The following KPNB1 variants were observed in gnomAD, a reference collection of about 807,000 sequenced individuals.
The protein encoded by KPNB1 is importin subunit beta-1.
In KPNB1, 7 loss-of-function variants were observed where a neutral mutation model predicts 113.0. The observed-to-expected ratio is 0.06, with a 90% CI of 0.04 to 0.12. The LOEUF (loss-of-function observed/expected upper bound fraction) is 0.12. Ranked by LOEUF, KPNB1 falls within the 10% of genes least tolerant of loss-of-function variation. The pLI is 1.00. For missense variants in KPNB1, 400 were observed against 1,054.8 expected, an observed-to-expected ratio of 0.38 and a Z score of 8.60; for synonymous variants, 363 against 378.6, an observed-to-expected ratio of 0.96 and a Z score of 0.48.
chr17:47,680,153 C>A lies in KPNB1; in HGVS notation c.2468+19C>A, dbSNP rs1413988084. On this transcript the variant is annotated intron_variant, in intron 20 of 21. Coordinates refer to ENST00000290158, the MANE Select transcript of KPNB1 (RefSeq NM_002265.6). ...TAATAGGGTAAGTTATACCCTGCTT[C>A]TAAGAGCTGAATAGAACTTCTCACA... The A allele has an allele frequency of 4.1e-6, 6 of 1,465,052 alleles. No individual in the cohort carries two copies. Among genetic ancestry groups the A allele is most frequent in the Non-Finnish European group, 5.7e-6 (6 of 1,044,434 alleles). 90.8% of individuals were successfully genotyped at this position (1,465,052 alleles called of 1,614,324 possible).
In KPNB1 at chr17:47,676,485, A is replaced by G; in HGVS notation, c.1989A>G (p.Glu663=). ...FLGIGLKNYA[E]YQVCLAAVGL... is the part of the protein sequence containing the mutation. ...GCATTGGATTAAAAAATTATGCTGA[A>G]TACCAGGTAGGATGTGCTTTTCAAA... The change falls in exon 16 of 22, where the codon GAA becomes GAG. Residue 663 remains glutamate (E), a synonymous_variant. Transcript: ENST00000290158. The G allele has an allele frequency of 1.2e-6, 2 of 1,609,660 alleles. No homozygotes were observed. Among genetic ancestry groups the G allele is most frequent in the Non-Finnish European group, 1.7e-6 (2 of 1,175,936 alleles).
At position 47,675,361 on chromosome 17, in the gene KPNB1, G is replaced by GTTTTTTTTTTTTTTTTTTTTTTTTTTTTT. The variant is rs1166648701; in HGVS notation, c.1912+589_1912+590insTTTTTTTTTTTTTTTTTTTTTTTTTTTTT. ...TGCAACGGAGATTGGCAGAGGTGTTGTTTTTTTTTTGTTTTTTTTTTTTGT... is the reference window on the plus strand; with the variant it reads ...TGCAACGGAGATTGGCAGAGGTGTTGTTTTTTTTTTTTTTTTTTTTTTTTTTTTTTTTTTTTTTTGTTTTTTTTTTTTGT... On this transcript the variant is annotated intron_variant, in intron 15 of 21. Transcript: ENST00000290158. Among the ~76,000 whole-genome samples the GTTTTTTTTTTTTTTTTTTTTTTTTTTTTT allele has an allele frequency of 5.5e-4, 49 of 88,686 alleles. 6 individuals are homozygous for GTTTTTTTTTTTTTTTTTTTTTTTTTTTTT. The highest frequency in any genetic ancestry group is 1.5e-3 in the South Asian group (4 of 2,704). 58.2% of individuals were successfully genotyped at this position (88,686 alleles called of 152,430 possible). A position where few individuals can be genotyped will look rare whatever the true frequency, so the allele number is the denominator to read the frequency against.
At chr17:47,652,925 C>A in intron 3 of KPNB1, 49 bp downstream of exon 3, 1 of 1,411,242 alleles carries the variant, frequency 7.1e-7, no homozygotes, top group Non-Finnish European at 9.6e-7. Context: ...AACAAGAAAT[C>A]GCTTTCTCAG....
At chr17:47,659,221 C>T (rs2030010169) in intron 5 of KPNB1, among the ~76,000 whole-genome samples, 4 of 151,858 alleles carry the variant, frequency 2.6e-5, no homozygotes, top group Middle Eastern at 3.4e-3. Flanking sequence ...TGGTGGCGTG[C>T]GCCTGTAATC....
intron 15 of KPNB1, among the ~76,000 whole-genome samples, chr17:47,675,215 C>G (rs568942721): frequency 3.3e-4 from 50 of 152,194 alleles, no homozygotes; most frequent in African/African-American, 1.2e-3. Context: ...GAATTTTTGA[C>G]TATAGAAAGC....
chr17:47,680,984 A>G (rs755886848), intron 21 of KPNB1, among the ~76,000 whole-genome samples: 1 of 152,004 alleles, frequency 6.6e-6, no homozygotes. Context: ...CTCATGCCCT[A>G]TTCTTTCTTT....
intron 9 of KPNB1, 73 bp from the exon 10 acceptor site, chr17:47,668,113 G>A: frequency 8.7e-7 from 1 of 1,147,090 alleles, no homozygotes; most frequent in Non-Finnish European, 1.3e-6. Flanking sequence ...ACATTCAAGA[G>A]TAGTCAGAGG....
At chr17:47,674,937 G>A (rs985253295) in intron 15 of KPNB1, among the ~76,000 whole-genome samples, 155 bp downstream of exon 15, 4 of 152,126 alleles carry the variant, frequency 2.6e-5, no homozygotes, top group African/African-American at 9.7e-5. Context: ...CCACTTCAGT[G>A]CCCCCACAGT....
At chr17:47,673,263 A>G (rs2030502616) in intron 13 of KPNB1, 98 bp downstream of exon 13, 2 of 1,202,662 alleles carry the variant, frequency 1.7e-6, no homozygotes, top group South Asian at 2.8e-5. Flanking sequence ...TTAGTGTTTA[A>G]GTATATATTT....
At position 47,681,768 on chromosome 17, in the gene KPNB1, G is replaced by A. The variant is rs1442854513; in HGVS notation, c.*-636G>A. Among the ~76,000 whole-genome samples the A allele has an allele frequency of 2.0e-5, 3 of 146,990 alleles. No homozygotes were observed. The South Asian group carries it at 6.4e-4, about 32-fold the overall frequency. On this transcript the variant is annotated intron_variant, in intron 21 of 21. Transcript: ENST00000290158. The stretch of plus-strand genomic sequence containing the variant: ...TTGGCCAGACTGGTCCTGACCTCAG[G>A]TGATCCACCTTTGTCGGTCTCCCAG...
At chr17:47,659,975 A>G (rs1287021718) in intron 5 of KPNB1, among the ~76,000 whole-genome samples, 2 of 152,108 alleles carry the variant, frequency 1.3e-5, no homozygotes, top group Admixed American at 6.5e-5. Flanking sequence ...TGAAAATGCA[A>G]TGAATAACAT....
At chr17:47,654,248 C>T (rs567382827) in intron 3 of KPNB1, among the ~76,000 whole-genome samples, 2 of 152,158 alleles carry the variant, frequency 1.3e-5, no homozygotes, top group South Asian at 2.1e-4. Flanking sequence ...AACCCTGTCT[C>T]TACTAAAAAT....
At chr17:47,663,257 C>T in intron 7 of KPNB1, 79 bp downstream of exon 7, 1 of 800,260 alleles carries the variant, frequency 1.2e-6, no homozygotes, top group East Asian at 2.5e-5. Context: ...TTTGCCAATT[C>T]TGTAATATTT....
At chr17:47,671,594 A>C (rs760643188) in intron 12 of KPNB1, 6 of 152,042 alleles carry the variant, frequency 3.9e-5, no homozygotes, top group Admixed American at 6.6e-5. Context: ...GCTGGAGTGC[A>C]GTGGCGCAAT....
chr17:47,649,943 T>A lies in KPNB1; in HGVS notation c.-302T>A. ...TCCCTCCCTGCGCGCCGCCTCTCAC[T>A]CACAGCCTCCCTTCCTTCTTTCTCC... On this transcript the variant is annotated 5_prime_UTR_variant, in exon 1 of 22. Transcript: ENST00000290158. 1 of 1,296,344 alleles carries A rather than the reference T, an allele frequency of 7.7e-7. No homozygotes were observed. The highest frequency in any genetic ancestry group is 9.8e-7 in the Non-Finnish European group (1 of 1,024,558). 80.3% of individuals were successfully genotyped at this position (1,296,344 alleles called of 1,614,324 possible).
Position 47,649,950 on chromosome 17 carries a change from C to G in KPNB1, c.-295C>G. On this transcript the variant is annotated 5_prime_UTR_variant, in exon 1 of 22. Coordinates refer to ENST00000290158, the MANE Select transcript of KPNB1 (RefSeq NM_002265.6). ...CTGCGCGCCGCCTCTCACTCACAGC[C>G]TCCCTTCCTTCTTTCTCCCTCCGCC... The G allele has an allele frequency of 2.3e-6, 3 of 1,316,240 alleles. No individual in the cohort carries two copies. The highest frequency in any genetic ancestry group is 2.9e-6 in the Non-Finnish European group (3 of 1,036,630). The allele number at this position is 1,316,240 out of a possible 1,614,324, so 81.5% of individuals were successfully genotyped here. A position where few individuals can be genotyped will look rare whatever the true frequency, so the allele number is the denominator to read the frequency against.
At position 47,656,913 on chromosome 17, in the gene KPNB1, T is replaced by C. The variant is rs2029927499; in HGVS notation, c.336T>C (p.Cys112=). 2.5e-6 allele frequency: 4 copies of C among 1,614,050 alleles called. No individual in the cohort carries two copies. The highest frequency in any genetic ancestry group is 3.4e-6 in the Non-Finnish European group (4 of 1,180,040). Residue 112 remains cysteine, a synonymous_variant, in exon 4 of 22, where the codon TGT becomes TGC. Coordinates refer to ENST00000290158, the MANE Select transcript of KPNB1 (RefSeq NM_002265.6). Reference sequence around the variant, plus strand: ...ACCGGCCTAGTTCTGCCTCACAGTGTGTGGCTGGTATTGCTTGTGCAGAGA... The same window carrying C: ...ACCGGCCTAGTTCTGCCTCACAGTGCGTGGCTGGTATTGCTTGTGCAGAGA... ...ETYRPSSASQ[C]VAGIACAEIP...
intron 16 of KPNB1, 56 bp from the exon 17 acceptor site, chr17:47,676,964 C>A (rs1473705463): frequency 4.5e-6 from 6 of 1,343,534 alleles, no homozygotes; most frequent in Admixed American, 1.8e-5. Context: ...AAAATAATAT[C>A]TTGCCCCAGC....
At chr17:47,659,756 A>G in intron 5 of KPNB1, among the ~76,000 whole-genome samples, 1 of 152,166 alleles carries the variant, frequency 6.6e-6, no homozygotes, top group East Asian at 1.9e-4. Flanking sequence ...GAAACAGGAT[A>G]TATAGCCAGG....
Sources: allele counts gnomAD v4.1 joint callset (sites outside exome capture counted in the v4.1 genomes callset), GRCh38; gene constraint gnomAD v4.1.1; transcripts MANE v1.5; gene names NCBI Gene and HGNC (gene_info 2026-07-23, HGNC 2026-07-21).